Variants in SCML4 observed in about 807,000 individuals in gnomAD.
SCML4 encodes sex comb on midleg-like protein 4.
In SCML4, 34 loss-of-function variants were observed where a neutral mutation model predicts 41.1. That is an observed-to-expected ratio of 0.83 (90% CI 0.63 to 1.10). SCML4 has a LOEUF of 1.10. SCML4 is among the 50% of genes least tolerant of loss of function. The pLI is 0.00. For missense variants in SCML4, 522 were observed against 534.1 expected (o/e 0.98, Z 0.22); for synonymous variants, 214 against 220.9 (o/e 0.97, Z 0.28).
the SCML4 span, among the ~76,000 whole-genome samples, chr6:107,837,956 G>C: frequency 7.1e-6 from 1 of 140,926 alleles, no homozygotes; most frequent in Non-Finnish European, 1.5e-5. Context: ...CGCCCAGGTT[G>C]GAGTGCAGTG....
intron 1 of SCML4, among the ~76,000 whole-genome samples, chr6:107,788,427 T>C (rs901412185): frequency 7.9e-5 from 12 of 152,240 alleles, no homozygotes; most frequent in African/African-American, 2.9e-4. Context: ...GTAATTATTT[T>C]CTTTTGTTCT....
intron 1 of SCML4, among the ~76,000 whole-genome samples, chr6:107,803,159 C>A (rs930211907): frequency 2.6e-4 from 39 of 151,256 alleles, no homozygotes; most frequent in African/African-American, 8.3e-4. Context: ...TTTGCCCGGC[C>A]GCCACCCCAT....
upstream of SCML4, among the ~76,000 whole-genome samples, chr6:107,825,231 A>G (rs990012637): frequency 5.9e-5 from 9 of 152,230 alleles, no homozygotes; most frequent in Non-Finnish European, 1.0e-4. Context: ...GGTATTTCCT[A>G]CAAGATGAAA....
At chr6:107,822,099 G>T (rs550304842) in intron 1 of SCML4, among the ~76,000 whole-genome samples, 27 of 152,090 alleles carry the variant, frequency 1.8e-4, no homozygotes, top group Non-Finnish European at 3.1e-4. Flanking sequence ...AAACAGCAGA[G>T]ATGATTTTCT....
At chr6:107,803,174 G>A in intron 1 of SCML4, among the ~76,000 whole-genome samples, 1 of 151,024 alleles carries the variant, frequency 6.6e-6, no homozygotes, top group South Asian at 2.1e-4. Flanking sequence ...CCCCATCTGG[G>A]AAGTGAGGAG....
Position 107,772,334 on chromosome 6 carries a change from T to C in SCML4, c.-7A>G. 3 of 1,549,076 alleles carry C rather than the reference T, an allele frequency of 1.9e-6. No homozygotes were observed. Among genetic ancestry groups the C allele is most frequent in the Non-Finnish European group, 2.6e-6 (3 of 1,145,808 alleles). On this transcript the variant is annotated 5_prime_UTR_variant, in exon 2 of 8. Transcript: ENST00000369020. ...GGATCCTTTGAGACTGCATTTCTGC[T>C]GGTGCCAGTCTTACAGAATGAGGTG... is the stretch of plus-strand genomic sequence containing the variant.
chr6:107,820,524 G>C (rs189854748), intron 1 of SCML4, among the ~76,000 whole-genome samples: 7 of 152,306 alleles, frequency 4.6e-5, no homozygotes, highest in Admixed American at 2.6e-4. Context: ...CCAAGCCTCT[G>C]TAAGCATGTC....
At chr6:107,797,368 T>G (rs1187332740) in intron 1 of SCML4, among the ~76,000 whole-genome samples, 1 of 152,106 alleles carries the variant, frequency 6.6e-6, no homozygotes, top group Non-Finnish European at 1.5e-5. Context: ...AATTAATCAC[T>G]AAGTCTATTT....
chr6:107,804,069 A>T (rs1245164715), intron 1 of SCML4, among the ~76,000 whole-genome samples: 2 of 14,618 alleles, frequency 1.4e-4, no homozygotes, highest in African/African-American at 4.4e-4. Context: ...AAGAAAAAGA[A>T]AAAAAAAAAA....
At chr6:107,790,249 A>G (rs537076215) in intron 1 of SCML4, among the ~76,000 whole-genome samples, 107 of 152,214 alleles carry the variant, frequency 7.0e-4, no homozygotes, top group Non-Finnish European at 1.3e-3. Context: ...TAGTATTACC[A>G]TGGACAATAT....
At chr6:107,827,371 T>C (rs932693193), upstream of SCML4, among the ~76,000 whole-genome samples, 2 of 149,024 alleles carry the variant, frequency 1.3e-5, no homozygotes, top group Non-Finnish European at 3.0e-5. Flanking sequence ...TATTTAAATA[T>C]ATCTGTATAT....
intron 5 of SCML4, among the ~76,000 whole-genome samples, chr6:107,723,036 C>CA (rs1775589168): frequency 6.6e-6 from 1 of 150,518 alleles, no homozygotes; most frequent in African/African-American, 2.4e-5. Context: ...GCTACATTGA[C>CA]AAAAAAATAA....
intron 2 of SCML4, among the ~76,000 whole-genome samples, chr6:107,751,611 T>G (rs1778656746): frequency 6.8e-6 from 1 of 146,538 alleles, no homozygotes; most frequent in African/African-American, 2.6e-5. Context: ...TCTTTCTTTC[T>G]TTCTTTCTTT....
chr6:107,708,352 C>T (rs1032177278), intron 6 of SCML4, among the ~76,000 whole-genome samples: 4 of 152,114 alleles, frequency 2.6e-5, no homozygotes, highest in South Asian at 2.1e-4. Context: ...AGTTCTTTCT[C>T]GGCAGGCCCA....
intron 1 of SCML4, among the ~76,000 whole-genome samples, chr6:107,817,488 G>A (rs939361588): frequency 1.3e-5 from 2 of 151,784 alleles, no homozygotes; most frequent in African/African-American, 4.8e-5. Flanking sequence ...GTGGTGGCAG[G>A]TGCCTGTAAT....
At chr6:107,829,116 T>C (rs1291483270), upstream of SCML4, among the ~76,000 whole-genome samples, 1 of 152,216 alleles carries the variant, frequency 6.6e-6, no homozygotes, top group Non-Finnish European at 1.5e-5. Flanking sequence ...ATGTTACTAG[T>C]AATGATTCTT....
chr6:107,718,205 C>T (rs558857626), intron 6 of SCML4, among the ~76,000 whole-genome samples: 1 of 152,308 alleles, frequency 6.6e-6, no homozygotes, highest in South Asian at 2.1e-4. Flanking sequence ...AGGATGGAGC[C>T]AGTTGGAGAT....
At chr6:107,746,427 C>T (rs186874253) in intron 4 of SCML4, 133 of 428,304 alleles carry the variant, frequency 3.1e-4, no homozygotes, top group African/African-American at 2.5e-3. Flanking sequence ...AAAGCAAAAA[C>T]CGGTGAGTTG....
chr6:107,740,967 AG>A (rs1258393585), intron 5 of SCML4, among the ~76,000 whole-genome samples: 1 of 152,156 alleles, frequency 6.6e-6, no homozygotes, highest in Non-Finnish European at 1.5e-5. Flanking sequence ...CAATAACAAA[AG>A]GGGGAAGGTT....
Sources: gnomAD v4.1 joint callset for allele counts (sites outside exome capture counted in the v4.1 genomes callset) on GRCh38, gnomAD v4.1.1 for gene constraint, MANE v1.5 for transcripts, NCBI Gene and HGNC (gene_info 2026-07-23, HGNC 2026-07-21) for gene names.